LARGE1: variants seen among roughly 807,000 people sequenced by gnomAD.
LARGE1 encodes LARGE xylosyl- and glucuronyltransferase 1.
A neutral mutation model predicts 87.6 loss-of-function variants in LARGE1; 43 were observed. The ratio of observed to expected loss-of-function variants is 0.49; its 90% CI spans 0.38 to 0.63. The LOEUF is 0.63. Among genes scored for constraint, LARGE1 ranks in the 30% least tolerant of loss-of-function variants. The pLI is 0.00. For synonymous variants in LARGE1, 434 were observed against 394.6 expected (o/e 1.10, Z -1.18); for missense variants, 802 against 1,000.2 (o/e 0.80, Z 2.67).
chr22:33,355,959 A>C, intron 9 of LARGE1, among the ~76,000 whole-genome samples: 1 of 152,258 alleles, frequency 6.6e-6, no homozygotes, highest in East Asian at 1.9e-4. Flanking sequence ...CAACAAAATC[A>C]ATCAGATTTT....
chr22:33,767,499 CA>C (rs1298011384), intron 1 of LARGE1, among the ~76,000 whole-genome samples: 2 of 149,726 alleles, frequency 1.3e-5, no homozygotes, highest in Non-Finnish European at 3.0e-5. Flanking sequence ...CTTTAATTTA[CA>C]AGCTCAGTGC....
intron 7 of LARGE1, among the ~76,000 whole-genome samples, chr22:33,409,680 T>G (rs1364060530): frequency 6.6e-6 from 1 of 151,838 alleles, no homozygotes; most frequent in Non-Finnish European, 1.5e-5. Flanking sequence ...GCTAACACAA[T>G]GAAACCCCAT....
At chr22:33,583,163 C>A (rs1280545253) in intron 5 of LARGE1, among the ~76,000 whole-genome samples, 9 of 152,118 alleles carry the variant, frequency 5.9e-5, no homozygotes, top group African/African-American at 2.2e-4. Flanking sequence ...TTCCAGAATT[C>A]TAGGAGCTAG....
In LARGE1 at chr22:33,801,129, T is replaced by G. The variant is rs527318167; in HGVS notation, c.-82-39571A>C. 3.9e-5 allele frequency among the ~76,000 whole-genome samples: 6 copies of G among 152,300 alleles called. No homozygotes were observed. The East Asian group carries it at 9.7e-4, about 25-fold the overall frequency. ...TTTTGCTTCTTCCTCATTTCTCTCT[T>G]GCCGCCGCCATGTAAGAAGTGCCTT... On this transcript the variant is annotated intron_variant, in intron 1 of 14. Coordinates refer to ENST00000397394, the MANE Select transcript of LARGE1 (RefSeq NM_133642.5).
In LARGE1 at chr22:33,593,677, C is replaced by T. The variant is rs917774292; in HGVS notation, c.615+10758G>A. ...AAAGTGAGACGTTCAAAATATATAC[C>T]AGATTTCAAAGACTTAATATTTACA... On this transcript the variant is annotated intron_variant, in intron 5 of 14. Transcript: ENST00000397394. 2.6e-5 allele frequency among the ~76,000 whole-genome samples: 4 copies of T among 152,190 alleles called. No individual in the cohort carries two copies. The South Asian group carries it at 8.3e-4, about 32-fold the overall frequency.
chr22:33,789,629 A>T (rs2085759612), intron 1 of LARGE1, among the ~76,000 whole-genome samples: 2 of 152,152 alleles, frequency 1.3e-5, no homozygotes, highest in South Asian at 4.1e-4. Flanking sequence ...GAGCTACCCA[A>T]CTCCATGGGA....
At chr22:33,515,979 G>C (rs976089168) in intron 6 of LARGE1, among the ~76,000 whole-genome samples, 1 of 152,178 alleles carries the variant, frequency 6.6e-6, no homozygotes, top group Admixed American at 6.5e-5. Flanking sequence ...AGTGAGCAAC[G>C]CCACCGTGTC....
chr22:33,794,475 A>G (rs1340571743), intron 1 of LARGE1, among the ~76,000 whole-genome samples: 1 of 152,190 alleles, frequency 6.6e-6, no homozygotes, highest in Non-Finnish European at 1.5e-5. Context: ...CAGGGTGAAG[A>G]GCCTGGCCTC....
chr22:33,806,576 T>A (rs2086316643), intron 1 of LARGE1, among the ~76,000 whole-genome samples: 1 of 152,042 alleles, frequency 6.6e-6, no homozygotes, highest in Non-Finnish European at 1.5e-5. Context: ...AACTATAAGC[T>A]CCTTGAAAAC....
intron 6 of LARGE1, among the ~76,000 whole-genome samples, chr22:33,455,623 G>A (rs1419579133): frequency 2.6e-5 from 4 of 151,854 alleles, no homozygotes; most frequent in South Asian, 2.1e-4. Flanking sequence ...GCATGGTGGT[G>A]TGTGCCCGTA....
At chr22:33,848,340 G>C (rs768848849) in intron 1 of LARGE1, among the ~76,000 whole-genome samples, 1 of 152,164 alleles carries the variant, frequency 6.6e-6, no homozygotes, top group Non-Finnish European at 1.5e-5. Flanking sequence ...AAACGAGGTG[G>C]TGGATAAGCG....
intron 2 of LARGE1, among the ~76,000 whole-genome samples, chr22:33,659,740 C>G (rs1261282730): frequency 4.0e-5 from 2 of 49,882 alleles, no homozygotes; most frequent in Admixed American, 1.9e-4. Flanking sequence ...GATGGAAGAA[C>G]AGTTAAAAAA....
intron 2 of LARGE1, among the ~76,000 whole-genome samples, chr22:33,751,838 G>A (rs111508118): frequency 6.6e-6 from 1 of 151,628 alleles, no homozygotes; most frequent in Non-Finnish European, 1.5e-5. Context: ...CATGATCTTG[G>A]CTCACTGGAA....
chr22:33,426,289 T>C (rs1305258114), intron 7 of LARGE1, among the ~76,000 whole-genome samples: 1 of 152,220 alleles, frequency 6.6e-6, no homozygotes, highest in East Asian at 1.9e-4. Flanking sequence ...CAAAACAGTT[T>C]TCTACCCTAC....
At chr22:33,855,444 C>A (rs1225257094) in intron 1 of LARGE1, among the ~76,000 whole-genome samples, 2 of 152,166 alleles carry the variant, frequency 1.3e-5, no homozygotes, top group Non-Finnish European at 2.9e-5. Flanking sequence ...ACTCCATGTG[C>A]CCCCAACCTG....
intron 1 of LARGE1, among the ~76,000 whole-genome samples, chr22:33,918,216 T>C (rs112547765): frequency 1.1e-3 from 162 of 152,318 alleles, no homozygotes; most frequent in African/African-American, 3.8e-3. Context: ...GGAATCTGCA[T>C]TGGCTCACAT....
intron 10 of LARGE1, among the ~76,000 whole-genome samples, chr22:33,321,517 C>T (rs1049429691): frequency 6.6e-6 from 1 of 152,270 alleles, no homozygotes; most frequent in African/African-American, 2.4e-5. Flanking sequence ...TTATCCTCCA[C>T]TGGAGACTAA....
intron 6 of LARGE1, among the ~76,000 whole-genome samples, chr22:33,463,390 GATAA>G (rs2068457856): frequency 6.6e-6 from 1 of 151,984 alleles, no homozygotes; most frequent in Non-Finnish European, 1.5e-5. Flanking sequence ...GAAGTCTACT[GATAA>G]ATTATACAAG....
At chr22:33,832,825 G>T (rs758592516) in intron 1 of LARGE1, among the ~76,000 whole-genome samples, 1 of 151,978 alleles carries the variant, frequency 6.6e-6, no homozygotes, top group African/African-American at 2.4e-5. Context: ...TCTGGACTGA[G>T]GCCCAGGATC....
Sources: gnomAD v4.1 joint callset for allele counts (sites outside exome capture counted in the v4.1 genomes callset) on GRCh38, gnomAD v4.1.1 for gene constraint, MANE v1.5 for transcripts, NCBI Gene and HGNC (gene_info 2026-07-23, HGNC 2026-07-21) for gene names.